Variants in NR3C2 observed in about 807,000 individuals in gnomAD.
NR3C2 encodes the protein nuclear receptor subfamily 3 group C member 2, also known as mineralocorticoid receptor.
Under a neutral mutation model 86.4 loss-of-function variants are expected in NR3C2, and 15 were observed. The ratio of observed to expected loss-of-function variants is 0.17; its 90% CI spans 0.12 to 0.27. The LOEUF is 0.27. Among genes scored for constraint, NR3C2 ranks in the 10% least tolerant of loss-of-function variants. The pLI is 1.00. For synonymous variants in NR3C2, 458 were observed against 450.5 expected, an observed-to-expected ratio of 1.02 and a Z score of -0.21; for missense variants, 960 against 1,195.6, an observed-to-expected ratio of 0.80 and a Z score of 2.91.
chr4:148,102,912 C>T (rs1052873200), intron 8 of NR3C2, among the ~76,000 whole-genome samples: 1 of 152,180 alleles, frequency 6.6e-6, no homozygotes, highest in African/African-American at 2.4e-5. Context: ...CAGATCAGCT[C>T]CAGATTCTCT....
At chr4:148,279,670 T>C (rs1741137804) in intron 2 of NR3C2, among the ~76,000 whole-genome samples, 1 of 152,232 alleles carries the variant, frequency 6.6e-6, no homozygotes, top group Non-Finnish European at 1.5e-5. Flanking sequence ...AGAATTTAAC[T>C]TTAATCAAAT....
intron 2 of NR3C2, among the ~76,000 whole-genome samples, chr4:148,434,657 A>G (rs1749947765): frequency 1.3e-5 from 2 of 152,198 alleles, no homozygotes; most frequent in Middle Eastern, 3.2e-3. Context: ...AGCTTTCACA[A>G]CCGATGAAGT....
intron 2 of NR3C2, among the ~76,000 whole-genome samples, chr4:148,307,591 C>G (rs139228215): frequency 7.6e-4 from 115 of 152,106 alleles, no homozygotes; most frequent in Non-Finnish European, 2.8e-4. Context: ...CCAAACATGC[C>G]CATGTGATCT....
intron 2 of NR3C2, among the ~76,000 whole-genome samples, chr4:148,281,411 T>TA (rs1422671284): frequency 3.3e-5 from 5 of 152,254 alleles, no homozygotes; most frequent in Admixed American, 6.5e-5. Context: ...TTACGTCCTT[T>TA]CAATGAAAAA....
chr4:148,092,120 G>A (rs1325456888), intron 8 of NR3C2, among the ~76,000 whole-genome samples: 1 of 152,214 alleles, frequency 6.6e-6, no homozygotes, highest in Admixed American at 6.5e-5. Context: ...TTTGGAAAAT[G>A]TCATGCTCGT....
upstream of NR3C2, chr4:148,444,457 G>C: frequency 1.0e-6 from 1 of 985,964 alleles, no homozygotes; most frequent in East Asian, 1.1e-4. Context: ...GCCTTGCCCG[G>C]GGCCGCCCCT....
intron 2 of NR3C2, among the ~76,000 whole-genome samples, chr4:148,317,796 G>C (rs1037909884): frequency 7.6e-6 from 1 of 131,178 alleles, no homozygotes; most frequent in East Asian, 2.1e-4. Flanking sequence ...ATGAAATTAA[G>C]TCTATCTCAT....
intron 4 of NR3C2, among the ~76,000 whole-genome samples, chr4:148,182,883 A>T (rs112389213): frequency 6.6e-6 from 1 of 152,116 alleles, no homozygotes; most frequent in African/African-American, 2.4e-5. Context: ...GGTTTGTTAC[A>T]TAGGTATATA....
intron 4 of NR3C2, among the ~76,000 whole-genome samples, chr4:148,164,148 C>A (rs1374373869): frequency 6.6e-6 from 1 of 152,170 alleles, no homozygotes; most frequent in Non-Finnish European, 1.5e-5. Context: ...CTGGGCAGCA[C>A]AGTCAACTTC....
chr4:148,152,627 C>A lies in NR3C2; in HGVS notation c.2366-14G>T. ...AGTTTTTAAATCCTGAAGAACAAAA[C>A]AATTAATCACAGAAATACACTTAGC... On this transcript the variant is annotated splice_polypyrimidine_tract_variant and intron_variant, in intron 5 of 8. Coordinates refer to ENST00000358102, the MANE Select transcript of NR3C2 (RefSeq NM_000901.5). 1 of 1,612,994 alleles carries A rather than the reference C, an allele frequency of 6.2e-7. No homozygotes were observed. Among genetic ancestry groups the A allele is most frequent in the South Asian group, 1.1e-5 (1 of 91,054 alleles).
At chr4:148,376,267 T>G (rs1579223972) in intron 2 of NR3C2, among the ~76,000 whole-genome samples, 1 of 151,944 alleles carries the variant, frequency 6.6e-6, no homozygotes, top group African/African-American at 2.4e-5. Flanking sequence ...AAGGAAGAAC[T>G]GTAATTCTTG....
At chr4:148,342,807 A>T (rs1744812288) in intron 2 of NR3C2, among the ~76,000 whole-genome samples, 1 of 152,150 alleles carries the variant, frequency 6.6e-6, no homozygotes, top group East Asian at 1.9e-4. Flanking sequence ...TTTTCACAGA[A>T]ATACTACTTC....
At chr4:148,436,960 T>A (rs1750112493) in intron 1 of NR3C2, 98 bp from the exon 2 acceptor site, 1 of 963,788 alleles carries the variant, frequency 1.0e-6, no homozygotes, top group Admixed American at 2.3e-5. Context: ...CAAAACATAT[T>A]CTACTTATTA....
At chr4:148,372,605 A>G (rs1746473544) in intron 2 of NR3C2, among the ~76,000 whole-genome samples, 1 of 152,228 alleles carries the variant, frequency 6.6e-6, no homozygotes, top group Non-Finnish European at 1.5e-5. Context: ...TTTATTTTAA[A>G]TAATACATTA....
intron 3 of NR3C2, among the ~76,000 whole-genome samples, chr4:148,234,733 T>G (rs1175507917): frequency 6.6e-6 from 1 of 151,416 alleles, no homozygotes; most frequent in African/African-American, 2.4e-5. Flanking sequence ...GTAATTCTGC[T>G]GAAGGCCAAT....
intron 1 of NR3C2, among the ~76,000 whole-genome samples, chr4:148,441,799 C>T (rs1426747086): frequency 1.3e-5 from 2 of 152,170 alleles, no homozygotes; most frequent in Admixed American, 6.5e-5. Context: ...GATTTGGGAG[C>T]GTCCGCAATT....
chr4:148,318,325 G>A (rs189826967), intron 2 of NR3C2, among the ~76,000 whole-genome samples: 3,284 of 151,742 alleles, frequency 0.022, 108 homozygotes, highest in African/African-American at 0.074. Flanking sequence ...GAATAATGCC[G>A]CAATAAACAT....
At chr4:148,372,663 A>G (rs905120992) in intron 2 of NR3C2, among the ~76,000 whole-genome samples, 1 of 152,240 alleles carries the variant, frequency 6.6e-6, no homozygotes, top group Non-Finnish European at 1.5e-5. Context: ...GGCACATAAA[A>G]GGAAAAACCT....
intron 2 of NR3C2, among the ~76,000 whole-genome samples, chr4:148,429,024 C>T (rs959400139): frequency 5.3e-5 from 8 of 152,272 alleles, no homozygotes; most frequent in South Asian, 2.1e-4. Flanking sequence ...GCCCACCACG[C>T]GGCTCAACCA....
Sources: allele counts gnomAD v4.1 joint callset (sites outside exome capture counted in the v4.1 genomes callset), GRCh38; gene constraint gnomAD v4.1.1; transcripts MANE v1.5; gene names NCBI Gene and HGNC (gene_info 2026-07-23, HGNC 2026-07-21).